EPHA5: variants seen among roughly 807,000 people sequenced by gnomAD.
EPHA5 encodes the protein ephrin type-A receptor 5.
A neutral mutation model predicts 105.0 loss-of-function variants in EPHA5; 60 were observed. That is an observed-to-expected ratio of 0.57 (90% confidence interval 0.46 to 0.71). The LOEUF (loss-of-function observed/expected upper bound fraction) is 0.71, where lower values mean the gene tolerates loss of function less well. EPHA5 is among the 30% of genes least tolerant of loss of function. The pLI is 0.00. For missense variants in EPHA5, 1,218 were observed against 1,274.7 expected (o/e 0.96, Z 0.68); for synonymous variants, 513 against 449.1 (o/e 1.14, Z -1.80).
intron 11 of EPHA5, among the ~76,000 whole-genome samples, chr4:65,361,854 A>G (rs1421578116): frequency 6.6e-6 from 1 of 151,616 alleles, no homozygotes; most frequent in East Asian, 1.9e-4. Context: ...CTAAGACTCA[A>G]TAGATCTTCC....
chr4:65,358,834 A>G (rs1006525145), intron 11 of EPHA5, among the ~76,000 whole-genome samples: 1 of 151,594 alleles, frequency 6.6e-6, no homozygotes, highest in Non-Finnish European at 1.5e-5. Flanking sequence ...CTCTATGGGT[A>G]GAAATTTCAA....
intron 3 of EPHA5, among the ~76,000 whole-genome samples, chr4:65,516,876 T>C (rs1039125592): frequency 1.3e-5 from 2 of 152,128 alleles, no homozygotes; most frequent in African/African-American, 4.8e-5. Context: ...CAATTGTTAA[T>C]AATTTATTGA....
intron 5 of EPHA5, among the ~76,000 whole-genome samples, chr4:65,484,826 A>T (rs1730720781): frequency 6.6e-6 from 1 of 152,038 alleles, no homozygotes; most frequent in African/African-American, 2.4e-5. Flanking sequence ...TTGTAAAAAG[A>T]TAAAGAAATT....
At chr4:65,444,562 G>C (rs1406556420) in intron 5 of EPHA5, among the ~76,000 whole-genome samples, 2 of 152,150 alleles carry the variant, frequency 1.3e-5, no homozygotes, top group African/African-American at 4.8e-5. Context: ...CAGGTGAAGT[G>C]ATTGGCTCAG....
chr4:65,440,708 G>C (rs1172130598), intron 5 of EPHA5, among the ~76,000 whole-genome samples: 2 of 152,008 alleles, frequency 1.3e-5, no homozygotes, highest in African/African-American at 4.8e-5. Flanking sequence ...CAAGCAGGGG[G>C]CCTTTGAGGA....
At chr4:65,419,443 C>T (rs1036779322) in intron 6 of EPHA5, among the ~76,000 whole-genome samples, 16 of 152,110 alleles carry the variant, frequency 1.1e-4, no homozygotes, top group African/African-American at 3.9e-4. Flanking sequence ...GAGTAAGTAG[C>T]GTGGTTCAGT....
rs2148770014 is a variant in EPHA5, at chr4:65,321,660, A to C, written c.*2454T>G. ...ATCACCAAGATTGCAAAGAAGGCAAATAAATTTGATCCAAATTAATTTATA... is the reference window on the plus strand; with the variant it reads ...ATCACCAAGATTGCAAAGAAGGCAACTAAATTTGATCCAAATTAATTTATA... On this transcript the variant is annotated 3_prime_UTR_variant, in exon 17 of 17. Coordinates refer to ENST00000613740, the MANE Select transcript of EPHA5 (RefSeq NM_001281766.3). The C allele has an allele frequency of 4.4e-6, 1 of 229,412 alleles. No homozygotes were observed. Among genetic ancestry groups the C allele is most frequent in the Admixed American group, 5.7e-5 (1 of 17,590 alleles). 14.2% of individuals were successfully genotyped at this position (229,412 alleles called of 1,614,324 possible).
At chr4:65,413,072 C>A (rs1299146420) in intron 7 of EPHA5, among the ~76,000 whole-genome samples, 1 of 151,826 alleles carries the variant, frequency 6.6e-6, no homozygotes, top group East Asian at 1.9e-4. Flanking sequence ...TACCTTTTTT[C>A]CTACATCCCT....
chr4:65,417,458 G>A (rs965435036), intron 6 of EPHA5, among the ~76,000 whole-genome samples: 3 of 152,102 alleles, frequency 2.0e-5, no homozygotes, highest in Admixed American at 6.6e-5. Context: ...GCTCACACAC[G>A]ATGGTCCGGG....
chr4:65,633,421 TG>T (rs1252078938), intron 2 of EPHA5, among the ~76,000 whole-genome samples: 4 of 152,090 alleles, frequency 2.6e-5, no homozygotes, highest in African/African-American at 7.2e-5. Context: ...AAATACCTGG[TG>T]ATTTGTCCCC....
chr4:65,623,411 A>G (rs572007677), intron 2 of EPHA5, among the ~76,000 whole-genome samples: 1 of 141,146 alleles, frequency 7.1e-6, no homozygotes, highest in African/African-American at 2.4e-5. Flanking sequence ...ATTACTCACT[A>G]TGCTGTGGAG....
intron 5 of EPHA5, among the ~76,000 whole-genome samples, chr4:65,459,457 A>G (rs938883963): frequency 8.6e-5 from 13 of 152,040 alleles, no homozygotes; most frequent in African/African-American, 3.1e-4. Flanking sequence ...TAGTATATAT[A>G]TAAATACTTT....
chr4:65,538,384 T>C (rs960999796), intron 3 of EPHA5, among the ~76,000 whole-genome samples: 7 of 151,768 alleles, frequency 4.6e-5, no homozygotes, highest in Non-Finnish European at 7.4e-5. Context: ...GCACATTTAA[T>C]ATACAATGCC....
intron 5 of EPHA5, among the ~76,000 whole-genome samples, chr4:65,475,243 A>T (rs906553218): frequency 6.6e-6 from 1 of 152,184 alleles, no homozygotes; most frequent in Non-Finnish European, 1.5e-5. Context: ...GCTTTTGACT[A>T]GCTTAATATC....
chr4:65,509,805 T>A (rs1335428368), intron 3 of EPHA5, among the ~76,000 whole-genome samples: 1 of 152,096 alleles, frequency 6.6e-6, no homozygotes, highest in East Asian at 1.9e-4. Context: ...ATTAGCATAA[T>A]CAGATCATTT....
At position 65,576,943 on chromosome 4, in the gene EPHA5, AT is replaced by A. The variant is rs367814334; in HGVS notation, c.910+24697del. On this transcript the variant is annotated intron_variant, in intron 3 of 16. Coordinates refer to ENST00000613740, the MANE Select transcript of EPHA5 (RefSeq NM_001281766.3). Reference sequence around the variant, plus strand: ...TTCCATGTCTATCAGTTTGAGTGACATTTTCTCTCCACATAGAGAAAGAGGA... The same window carrying A: ...TTCCATGTCTATCAGTTTGAGTGACATTTCTCTCCACATAGAGAAAGAGGA... Among the ~76,000 whole-genome samples, 3 of 152,102 alleles carry A rather than the reference AT, an allele frequency of 2.0e-5. No homozygotes were observed. The South Asian group carries it at 6.2e-4, about 32-fold the overall frequency.
intron 3 of EPHA5, among the ~76,000 whole-genome samples, chr4:65,532,566 G>T (rs1175130284): frequency 2.8e-5 from 4 of 142,272 alleles, no homozygotes; most frequent in South Asian, 2.2e-4. Context: ...CCTGGGTCCT[G>T]TCTTATTCTT....
At chr4:65,620,455 T>A (rs564378042) in intron 2 of EPHA5, among the ~76,000 whole-genome samples, 1 of 152,216 alleles carries the variant, frequency 6.6e-6, no homozygotes, top group South Asian at 2.1e-4. Context: ...TTTAAGATAT[T>A]TGAACTGTGG....
At chr4:65,343,867 C>A (rs371923201) in intron 14 of EPHA5, among the ~76,000 whole-genome samples, 1 of 146,056 alleles carries the variant, frequency 6.8e-6, no homozygotes, top group Non-Finnish European at 1.5e-5. Context: ...TTTTTTTTTT[C>A]TTTAAACTTC....
Sources: gnomAD v4.1 joint callset for allele counts (sites outside exome capture counted in the v4.1 genomes callset) on GRCh38, gnomAD v4.1.1 for gene constraint, MANE v1.5 for transcripts, NCBI Gene and HGNC (gene_info 2026-07-23, HGNC 2026-07-21) for gene names.